FAT3: variants seen among roughly 807,000 people sequenced by gnomAD.
FAT3 encodes FAT atypical cadherin 3.
In FAT3, 95 loss-of-function variants were observed where a neutral mutation model predicts 310.2. That is an observed-to-expected ratio of 0.31 (90% confidence interval 0.26 to 0.36). FAT3 has a LOEUF of 0.36. Ranked by LOEUF, FAT3 falls within the 10% of genes least tolerant of loss-of-function variation. FAT3 has a pLI of 1.00. For synonymous variants in FAT3, 2,314 were observed against 2,192.9 expected, an observed-to-expected ratio of 1.06 and a Z score of -1.54; for missense variants, 5,408 against 5,715.6, an observed-to-expected ratio of 0.95 and a Z score of 1.74.
At chr11:92,397,013 T>C (rs916928510) in intron 2 of FAT3, among the ~76,000 whole-genome samples, 1 of 152,138 alleles carries the variant, frequency 6.6e-6, no homozygotes, top group Non-Finnish European at 1.5e-5. Context: ...TGGCCCTCTT[T>C]GTTACTTTCA....
chr11:92,660,760 A>G (rs1311409788), intron 3 of FAT3, among the ~76,000 whole-genome samples: 1 of 152,208 alleles, frequency 6.6e-6, no homozygotes, highest in Non-Finnish European at 1.5e-5. Flanking sequence ...TGGCTTTGAG[A>G]CAAAGGTAAA....
chr11:92,311,756 G>A (rs1195942270), intron 1 of FAT3, among the ~76,000 whole-genome samples: 1 of 152,080 alleles, frequency 6.6e-6, no homozygotes, highest in East Asian at 1.9e-4. Flanking sequence ...GGTAGAGTAG[G>A]GCCCAGATTT....
In FAT3 at chr11:92,499,723, A is replaced by ATGTGTGTGTGTGTATGTGTGTGTGTG. The variant is rs376710960; in HGVS notation, c.3293-24898_3293-24897insATGTGTGTGTGTGTGTGTGTGTGTGT. 7.4e-3 allele frequency among the ~76,000 whole-genome samples: 951 copies of ATGTGTGTGTGTGTATGTGTGTGTGTG among 127,784 alleles called. 10 individuals carry two copies. Among genetic ancestry groups the ATGTGTGTGTGTGTATGTGTGTGTGTG allele is most frequent in the African/African-American group, 0.023 (885 of 38,108 alleles). The allele number at this position is 127,784 out of a possible 152,430, so 83.8% of individuals were successfully genotyped here. On this transcript the variant is annotated intron_variant, in intron 2 of 27. Coordinates refer to ENST00000525166, the MANE Select transcript of FAT3 (RefSeq NM_001367949.2). The stretch of plus-strand genomic sequence containing the variant: ...ATCTTGTGTGTGTGTATGTGTGTGT[A>ATGTGTGTGTGTGTATGTGTGTGTGTG]TGTGTGTGTGTGTGTGTGTGTGTGT...
chr11:92,761,835 A>G (rs559797685), intron 4 of FAT3, 21 bp from the exon 5 acceptor site: 51 of 1,598,234 alleles, frequency 3.2e-5, no homozygotes, highest in Admixed American at 5.2e-5. Flanking sequence ...CTTTCTGATC[A>G]CATCATACTC....
At chr11:92,890,347 C>T in intron 27 of FAT3, 144 bp from the exon 28 acceptor site, 1 of 978,680 alleles carries the variant, frequency 1.0e-6, no homozygotes, top group Non-Finnish European at 1.5e-6. Context: ...CAAAGCATGG[C>T]TGGCCCCATA....
chr11:92,538,147 T>G (rs1954321353), intron 3 of FAT3, among the ~76,000 whole-genome samples: 1 of 152,200 alleles, frequency 6.6e-6, no homozygotes, highest in African/African-American at 2.4e-5. Context: ...GTTTAAATGT[T>G]ATCTATAGTG....
chr11:92,397,342 A>G (rs1467991216), intron 2 of FAT3, among the ~76,000 whole-genome samples: 1 of 152,136 alleles, frequency 6.6e-6, no homozygotes, highest in Non-Finnish European at 1.5e-5. Context: ...AAAGGGAATT[A>G]GTTTAATTGT....
chr11:92,768,034 C>T (rs946928215), intron 6 of FAT3, among the ~76,000 whole-genome samples: 10 of 152,138 alleles, frequency 6.6e-5, no homozygotes, highest in African/African-American at 1.7e-4. Context: ...GAGAGCTCTC[C>T]CTGGAAGGAG....
In FAT3 at chr11:92,355,259, T is replaced by C. The variant is rs1306713634; in HGVS notation, c.3147T>C (p.Val1049=). Residue 1049 remains valine (V), a synonymous_variant, in exon 2 of 28, where the codon GTT becomes GTC. Coordinates refer to ENST00000525166, the MANE Select transcript of FAT3 (RefSeq NM_001367949.2). ...HTPYFPDFAV[V]GSVKENSRIG... ...CCTATTTCCCAGACTTTGCTGTTGT[T>C]GGATCTGTAAAGGAAAACTCACGCA... The C allele has an allele frequency of 1.2e-6, 2 of 1,613,852 alleles. No homozygotes were observed. Among genetic ancestry groups the C allele is most frequent in the Non-Finnish European group, 1.7e-6 (2 of 1,179,860 alleles).
chr11:92,425,767 T>C (rs1022676536), intron 2 of FAT3, among the ~76,000 whole-genome samples: 4 of 152,230 alleles, frequency 2.6e-5, no homozygotes, highest in African/African-American at 9.6e-5. Context: ...CTACATTTTC[T>C]TTATTTGGTC....
intron 2 of FAT3, among the ~76,000 whole-genome samples, chr11:92,472,180 T>G (rs1951928046): frequency 6.6e-6 from 1 of 151,966 alleles, no homozygotes; most frequent in African/African-American, 2.4e-5. Context: ...ATGAGCAGTG[T>G]GTGGGTGTAT....
chr11:92,302,093 T>C (rs1350644144), intron 1 of FAT3, among the ~76,000 whole-genome samples: 1 of 152,090 alleles, frequency 6.6e-6, no homozygotes, highest in African/African-American at 2.4e-5. Flanking sequence ...TAAATATGTA[T>C]ATACATACTC....
intron 2 of FAT3, among the ~76,000 whole-genome samples, chr11:92,514,075 C>T (rs1048343879): frequency 6.6e-6 from 1 of 152,108 alleles, no homozygotes; most frequent in Non-Finnish European, 1.5e-5. Context: ...AGGACTGATT[C>T]AGTGAGCACA....
At chr11:92,425,676 G>A (rs2134999292) in intron 2 of FAT3, among the ~76,000 whole-genome samples, 1 of 152,146 alleles carries the variant, frequency 6.6e-6, no homozygotes, top group African/African-American at 2.4e-5. Flanking sequence ...GAGAATGGTG[G>A]TTTCCGACTT....
At chr11:92,299,428 A>T (rs1320088220) in intron 1 of FAT3, among the ~76,000 whole-genome samples, 1 of 152,144 alleles carries the variant, frequency 6.6e-6, no homozygotes, top group East Asian at 1.9e-4. Context: ...AAAGACAAAG[A>T]TGACATAGAC....
At chr11:92,775,745 T>C (rs149906759) in intron 7 of FAT3, among the ~76,000 whole-genome samples, 3 of 152,320 alleles carry the variant, frequency 2.0e-5, no homozygotes, top group Non-Finnish European at 4.4e-5. Flanking sequence ...TTCTAAAATA[T>C]GAAATTCAGT....
At chr11:92,713,784 A>G (rs1056494991) in intron 4 of FAT3, among the ~76,000 whole-genome samples, 3 of 152,124 alleles carry the variant, frequency 2.0e-5, no homozygotes, top group Non-Finnish European at 4.4e-5. Flanking sequence ...AATCAAAAAC[A>G]TAATAGTATG....
intron 1 of FAT3, among the ~76,000 whole-genome samples, chr11:92,351,543 A>G (rs1044641533): frequency 1.3e-5 from 2 of 152,192 alleles, no homozygotes; most frequent in East Asian, 1.9e-4. Context: ...TTAGCATTAC[A>G]TCTTACTGCA....
intron 1 of FAT3, among the ~76,000 whole-genome samples, chr11:92,331,781 AGTT>A (rs1947929959): frequency 6.6e-6 from 1 of 152,192 alleles, no homozygotes. Flanking sequence ...CATTTAGAAA[AGTT>A]GTTGACTAAA....
Sources: allele counts gnomAD v4.1 joint callset (sites outside exome capture counted in the v4.1 genomes callset), GRCh38; gene constraint gnomAD v4.1.1; transcripts MANE v1.5; gene names NCBI Gene and HGNC (gene_info 2026-07-23, HGNC 2026-07-21).